Variants in PCM1 observed in about 807,000 individuals in gnomAD.
PCM1 encodes pericentriolar material 1 protein.
Under a neutral mutation model 241.9 loss-of-function variants are expected in PCM1, and 157 were observed. That is an observed-to-expected ratio of 0.65 (90% CI 0.57 to 0.74). The LOEUF (loss-of-function observed/expected upper bound fraction) is 0.74. Ranked by LOEUF, PCM1 falls within the 30% of genes least tolerant of loss-of-function variation. The pLI is 0.00. For missense variants in PCM1, 3,478 were observed against 2,360.1 expected (o/e 1.47, Z -9.81); for synonymous variants, 1,085 against 784.9 (o/e 1.38, Z -6.39).
At chr8:17,959,853 C>G (rs1339826925) in intron 13 of PCM1, among the ~76,000 whole-genome samples, 161 bp from the exon 14 acceptor site, 1 of 152,002 alleles carries the variant, frequency 6.6e-6, no homozygotes, top group South Asian at 2.1e-4. Context: ...CGTGTGTAAA[C>G]AAATATATAT....
At chr8:18,023,715 T>G (rs2093943583) in intron 36 of PCM1, among the ~76,000 whole-genome samples, 1 of 152,216 alleles carries the variant, frequency 6.6e-6, no homozygotes, top group Non-Finnish European at 1.5e-5. Context: ...GATCTTTAAG[T>G]TCTTGCTACA....
chr8:17,980,751 T>A lies in PCM1; in HGVS notation c.4104T>A (p.Ser1368=). The change falls in exon 24 of 39, where the codon TCT becomes TCA. Residue 1368 remains serine (S), a synonymous_variant. Coordinates refer to ENST00000325083, the MANE Select transcript of PCM1 (RefSeq NM_006197.4). Reference sequence around the variant, plus strand: ...AATGTAATAGGTCTACAGAAATATCTTCAGGTATGTTCTTTTTTGGTTTGC... The same window carrying A: ...AATGTAATAGGTCTACAGAAATATCATCAGGTATGTTCTTTTTTGGTTTGC... The part of the protein sequence containing the change: ...IIKCNRSTEI[S]SETGSDFSMF... 6.2e-7 allele frequency: 1 copy of A among 1,601,042 alleles called. No individual in the cohort carries two copies. Among genetic ancestry groups the A allele is most frequent in the Non-Finnish European group, 8.5e-7 (1 of 1,175,272 alleles).
chr8:17,932,914 T>G (rs1043713112), intron 2 of PCM1, among the ~76,000 whole-genome samples: 2 of 152,178 alleles, frequency 1.3e-5, no homozygotes, highest in Non-Finnish European at 2.9e-5. Flanking sequence ...TTGTTTACTG[T>G]GAATTAACTT....
chr8:18,009,600 T>C lies in PCM1; in HGVS notation c.5016T>C (p.Leu1672=). ...GRKLKDCGED[L]LVEISEVLFN... ...AACTGAAAGACTGTGGAGAAGATCT[T>C]CTTGTAGAGATATCTGAAGTGTTGT... Residue 1672 remains leucine (L), a synonymous_variant, in exon 31 of 39, where the codon CTT becomes CTC. Transcript: ENST00000325083. 1 of 1,602,938 alleles carries C rather than the reference T, an allele frequency of 6.2e-7. No homozygotes were observed. Among genetic ancestry groups the C allele is most frequent in the Non-Finnish European group, 8.5e-7 (1 of 1,174,212 alleles).
At chr8:18,016,713 T>G (rs1488929689) in intron 36 of PCM1, among the ~76,000 whole-genome samples, 1 of 152,224 alleles carries the variant, frequency 6.6e-6, no homozygotes, top group Non-Finnish European at 1.5e-5. Flanking sequence ...GTTACTCTGC[T>G]TATCCTCCTC....
intron 21 of PCM1, among the ~76,000 whole-genome samples, chr8:17,968,762 G>GTGTATATA (rs373502456): frequency 2.6e-4 from 36 of 136,730 alleles, no homozygotes; most frequent in African/African-American, 8.0e-4. Context: ...GTGTGTGTGT[G>GTGTATATA]TATATATATA....
chr8:17,937,304 G>A lies in PCM1; in HGVS notation c.267G>A (p.Met89Ile), dbSNP rs1358591339. ...ATACGTTCCCACACAGTAGATACATGAGTCAGATGTCTGTCCCAGAGCAGG... is the reference window on the plus strand; with the variant it reads ...ATACGTTCCCACACAGTAGATACATAAGTCAGATGTCTGTCCCAGAGCAGG... ...TPHTFPHSRY[M>I]SQMSVPEQAE... The change falls in exon 4 of 39, where the codon ATG (methionine) becomes ATA (isoleucine). Residue 89 changes from methionine (M) to isoleucine (I), a missense_variant. Transcript: ENST00000325083. 3 of 1,609,464 alleles carry A rather than the reference G, an allele frequency of 1.9e-6. No homozygotes were observed. The highest frequency in any genetic ancestry group is 2.2e-5 in the East Asian group (1 of 44,820).
intron 2 of PCM1, among the ~76,000 whole-genome samples, chr8:17,933,011 C>T (rs2059476283): frequency 2.0e-5 from 3 of 152,262 alleles, no homozygotes; most frequent in East Asian, 3.9e-4. Flanking sequence ...GATTTTTCCC[C>T]TCTTCTATGA....
In PCM1 at chr8:17,932,823, C is replaced by A. The variant is rs78314046; in HGVS notation, c.-22-2766C>A. On this transcript the variant is annotated intron_variant, in intron 2 of 38. Transcript: ENST00000325083. Reference sequence around the variant, plus strand: ...TTGATGTTTAAAATTCTGTTTTAATCTTTGACTATTTTGATAGTATGATAT... The same window carrying A: ...TTGATGTTTAAAATTCTGTTTTAATATTTGACTATTTTGATAGTATGATAT... Among the ~76,000 whole-genome samples the A allele has an allele frequency of 6.0e-3, 919 of 152,102 alleles. 42 individuals are homozygous for A. The East Asian group carries it at 0.13, about 22-fold the overall frequency.
chr8:17,990,517 G>T, intron 27 of PCM1, among the ~76,000 whole-genome samples: 1 of 146,968 alleles, frequency 6.8e-6, no homozygotes. Context: ...CCCATCAGCT[G>T]TAAAACAAAA....
At chr8:17,955,182 A>T (rs578123670) in intron 9 of PCM1, among the ~76,000 whole-genome samples, 33 of 152,210 alleles carry the variant, frequency 2.2e-4, no homozygotes, top group African/African-American at 7.2e-4. Flanking sequence ...AAGGTAGAAT[A>T]TCATTATTCT....
chr8:17,965,928 A>T, intron 18 of PCM1, 71 bp from the exon 19 acceptor site: 1 of 1,018,364 alleles, frequency 9.8e-7, no homozygotes, highest in Non-Finnish European at 1.4e-6. Flanking sequence ...CCTGAGTATC[A>T]GAGTTTATTG....
rs758884233 is a variant in PCM1, at chr8:17,967,067, G to A, written c.3309G>A (p.Ser1103=). The change falls in exon 21 of 39, where the codon TCG becomes TCA. Residue 1103 remains serine, a synonymous_variant. Transcript: ENST00000325083. The part of the protein sequence containing the change: ...PGGKERGSSA[S]HPPSPSLFCP... ...GCAAGGAAAGAGGCAGTAGTGCATC[G>A]CACCCTCCTTCTCCCAGTTTATTTT... 2.7e-5 allele frequency: 44 copies of A among 1,608,856 alleles called. No individual in the cohort carries two copies. Among genetic ancestry groups the A allele is most frequent in the Admixed American group, 1.9e-4 (11 of 59,326 alleles).
chr8:17,951,757 A>G (rs765712101), intron 8 of PCM1, among the ~76,000 whole-genome samples: 1 of 152,172 alleles, frequency 6.6e-6, no homozygotes, highest in Non-Finnish European at 1.5e-5. Context: ...GGGTAATGAC[A>G]TTGGAAAGGG....
chr8:17,947,216 G>C lies in PCM1; in HGVS notation c.814G>C (p.Glu272Gln), dbSNP rs947180724. 1 of 1,609,772 alleles carries C rather than the reference G, an allele frequency of 6.2e-7. No homozygotes were observed. The highest frequency in any genetic ancestry group is 1.7e-5 in the Admixed American group (1 of 59,752). ...AGATCCTCAGCAGGAGCCTATGGAA[G>C]AGATAGAAAATTTGAAGAAACAACA... ...ARDPQQEPME[E>Q]IENLKKQHDL... The change falls in exon 7 of 39, where the codon GAG (glutamate) becomes CAG (glutamine). Residue 272 changes from glutamate to glutamine, a missense_variant. Physicochemically the swap from Glu to Gln is conservative, Grantham distance 29. Coordinates refer to ENST00000325083, the MANE Select transcript of PCM1 (RefSeq NM_006197.4).
intron 36 of PCM1, among the ~76,000 whole-genome samples, chr8:18,018,077 T>C (rs1177752782): frequency 6.6e-6 from 1 of 152,302 alleles, no homozygotes; most frequent in East Asian, 1.9e-4. Flanking sequence ...AAAGAAAATA[T>C]TTCACGTTTC....
At chr8:17,983,986 A>G (rs942486054) in intron 24 of PCM1, among the ~76,000 whole-genome samples, 2 of 152,126 alleles carry the variant, frequency 1.3e-5, no homozygotes, top group African/African-American at 4.8e-5. Context: ...AACAAGATGG[A>G]ATTAGAGAAA....
At chr8:18,023,299 A>G (rs1481362140) in intron 36 of PCM1, among the ~76,000 whole-genome samples, 1 of 152,220 alleles carries the variant, frequency 6.6e-6, no homozygotes, top group East Asian at 1.9e-4. Flanking sequence ...GATCCCTTAC[A>G]AAAGAACTCC....
intron 2 of PCM1, among the ~76,000 whole-genome samples, chr8:17,935,021 CA>C (rs2060034157): frequency 6.6e-6 from 1 of 152,004 alleles, no homozygotes; most frequent in African/African-American, 2.4e-5. Context: ...GTCTTCTAGC[CA>C]CTGCACTTTT....
Sources: gnomAD v4.1 joint callset for allele counts (sites outside exome capture counted in the v4.1 genomes callset) on GRCh38, gnomAD v4.1.1 for gene constraint, MANE v1.5 for transcripts, NCBI Gene and HGNC (gene_info 2026-07-23, HGNC 2026-07-21) for gene names.